GPC5: variants seen among roughly 807,000 people sequenced by gnomAD.
The protein encoded by GPC5 is glypican 5, also known as glypican-5.
GPC5 carries 47 observed loss-of-function variants against 53.9 expected under a neutral mutation model. That is an observed-to-expected ratio of 0.87 (90% confidence interval 0.69 to 1.11). The LOEUF (loss-of-function observed/expected upper bound fraction) is 1.11. GPC5 is among the 50% of genes most tolerant of loss of function. The pLI, the probability that GPC5 is intolerant of heterozygous loss-of-function variation, is 0.00. For missense variants in GPC5, 748 were observed against 713.1 expected (o/e 1.05, Z -0.56); for synonymous variants, 286 against 263.3 (o/e 1.09, Z -0.84).
chr13:91,705,706 T>TA lies in GPC5; in HGVS notation c.1020+11826dup, dbSNP rs927194447. 2.3e-5 allele frequency among the ~76,000 whole-genome samples: 3 copies of TA among 131,608 alleles called. No individual in the cohort carries two copies. In the Admixed American group the frequency reaches 2.3e-4, roughly 10 times the overall value. 86.3% of individuals were successfully genotyped at this position (131,608 alleles called of 152,430 possible). On this transcript the variant is annotated intron_variant, in intron 3 of 7. Transcript: ENST00000377067. ...GACTCTAAAAACACCCCCCCCCCCA[T>TA]ATTTCCAAATGACATGTAGTTATAA...
rs2035800965 is a variant in GPC5 at position 91,693,370 on chromosome 13, T to C, written c.509T>C (p.Leu170Pro). 2 of 1,614,122 alleles carry C rather than the reference T, an allele frequency of 1.2e-6. No homozygotes were observed. The highest frequency in any genetic ancestry group is 4.5e-5 in the East Asian group (2 of 44,870). Residue 170 changes from leucine to proline, a missense_variant, in exon 3 of 8, where the codon CTT (leucine) becomes CCT (proline). Physicochemically the swap from Leu to Pro is moderately conservative, Grantham distance 98. Coordinates refer to ENST00000377067, the MANE Select transcript of GPC5 (RefSeq NM_004466.6). ...EEFVNRFFDS[L>P]FPLVYNHLIN... is the part of the protein sequence containing the mutation. ...TTTGTAAACAGATTTTTTGACAGTC[T>C]TTTTCCTCTGGTCTACAACCACCTC...
At chr13:91,792,217 C>T (rs1424013100) in intron 5 of GPC5, among the ~76,000 whole-genome samples, 1 of 152,198 alleles carries the variant, frequency 6.6e-6, no homozygotes, top group Non-Finnish European at 1.5e-5. Context: ...TCTTTCCTGA[C>T]TTCACTGCGT....
In GPC5 at chr13:91,503,155, AAG is replaced by A. The variant is rs369923115; in HGVS notation, c.325+54241_325+54242del. On this transcript the variant is annotated intron_variant, in intron 2 of 7. Transcript: ENST00000377067. ...ATAAAATCAGTACAGCACAGAGAGA[AAG>A]AGAGAGAAATTCCAGGCATGAGAAA... Among the ~76,000 whole-genome samples, 88 of 152,266 alleles carry A rather than the reference AAG, an allele frequency of 5.8e-4. No homozygotes were observed. The South Asian group carries it at 0.018, about 31-fold the overall frequency.
At chr13:91,874,336 A>C (rs1022096299) in intron 5 of GPC5, among the ~76,000 whole-genome samples, 2 of 152,152 alleles carry the variant, frequency 1.3e-5, no homozygotes, top group African/African-American at 2.4e-5. Context: ...TATTATATTA[A>C]CAGTTTTAAT....
At chr13:92,349,447 T>A (rs1170341943) in intron 7 of GPC5, among the ~76,000 whole-genome samples, 2 of 106,846 alleles carry the variant, frequency 1.9e-5, no homozygotes, top group African/African-American at 1.1e-4. Flanking sequence ...CCCAGCCAGG[T>A]TTTTTCTTTT....
At position 92,602,195 on chromosome 13, in the gene GPC5, TAA is replaced by T. The variant is rs1410147344; in HGVS notation, c.1562-264085_1562-264084del. 7.2e-5 allele frequency among the ~76,000 whole-genome samples: 10 copies of T among 138,932 alleles called. No individual in the cohort carries two copies. In the East Asian group the frequency reaches 1.2e-3, roughly 17 times the overall value. The allele number at this position is 138,932 out of a possible 152,430, so 91.1% of individuals were successfully genotyped here. A position where few individuals can be genotyped will look rare whatever the true frequency, so the allele number is the denominator to read the frequency against. ...ACACACTATATATATTACATATATA[TAA>T]ATATATATATTACATATATATAAAT... On this transcript the variant is annotated intron_variant, in intron 7 of 7. Transcript: ENST00000377067.
intron 7 of GPC5, among the ~76,000 whole-genome samples, chr13:92,699,445 T>C (rs1171697282): frequency 3.3e-5 from 5 of 152,182 alleles, no homozygotes. Context: ...TGTTCTGATC[T>C]TACTTATTTC....
At chr13:92,073,462 T>A (rs915643546) in intron 6 of GPC5, among the ~76,000 whole-genome samples, 2 of 152,188 alleles carry the variant, frequency 1.3e-5, no homozygotes, top group African/African-American at 4.8e-5. Context: ...ACTGGACAAA[T>A]GTAGGGCCTT....
At chr13:91,890,102 C>G (rs1213240134) in intron 5 of GPC5, among the ~76,000 whole-genome samples, 14 of 152,088 alleles carry the variant, frequency 9.2e-5, no homozygotes, top group Non-Finnish European at 2.1e-4. Context: ...CATAGTTATC[C>G]TTGATTACAA....
intron 2 of GPC5, among the ~76,000 whole-genome samples, chr13:91,479,331 G>A (rs1883180620): frequency 6.6e-6 from 1 of 152,094 alleles, no homozygotes; most frequent in Admixed American, 6.6e-5. Context: ...CTTCATTAAA[G>A]GAGTACATTT....
intron 6 of GPC5, among the ~76,000 whole-genome samples, chr13:92,071,177 G>A (rs1245596409): frequency 1.3e-5 from 2 of 152,018 alleles, no homozygotes; most frequent in African/African-American, 2.4e-5. Flanking sequence ...CAGAGGCTGC[G>A]GTGAACCAAG....
At chr13:91,961,926 C>A (rs1251415831) in intron 6 of GPC5, among the ~76,000 whole-genome samples, 1 of 152,062 alleles carries the variant, frequency 6.6e-6, no homozygotes, top group Non-Finnish European at 1.5e-5. Flanking sequence ...AAGTTAACTT[C>A]TCATTTTGGG....
intron 6 of GPC5, among the ~76,000 whole-genome samples, chr13:92,088,869 A>T (rs1246741027): frequency 6.6e-6 from 1 of 152,208 alleles, no homozygotes; most frequent in Non-Finnish European, 1.5e-5. Flanking sequence ...TTAAACATTG[A>T]GAATAAAACA....
intron 2 of GPC5, among the ~76,000 whole-genome samples, chr13:91,530,500 C>A (rs986900955): frequency 3.3e-5 from 5 of 152,152 alleles, no homozygotes; most frequent in African/African-American, 1.2e-4. Context: ...GCATAATATG[C>A]CTCCTTCATT....
At position 92,363,220 on chromosome 13, in the gene GPC5, T is replaced by G. The variant is rs186356829; in HGVS notation, c.1561+218231T>G. On this transcript the variant is annotated intron_variant, in intron 7 of 7. Coordinates refer to ENST00000377067, the MANE Select transcript of GPC5 (RefSeq NM_004466.6). The stretch of plus-strand genomic sequence containing the variant: ...CAATTCCCACAGGGCTAGGAATAGT[T>G]GTTGTTTCCACCAGCTAGAGTAAAA... Among the ~76,000 whole-genome samples the G allele has an allele frequency of 2.0e-3, 309 of 151,736 alleles. 6 individuals carry two copies. Among genetic ancestry groups the G allele is most frequent in the African/African-American group, 7.2e-3 (296 of 41,024 alleles).
intron 3 of GPC5, among the ~76,000 whole-genome samples, chr13:91,717,052 G>C (rs1335782461): frequency 6.6e-6 from 1 of 152,188 alleles, no homozygotes; most frequent in Non-Finnish European, 1.5e-5. Context: ...CAAACCAAAT[G>C]CTGGCAAGGT....
At chr13:92,770,473 A>G (rs949893295) in intron 7 of GPC5, among the ~76,000 whole-genome samples, 2 of 151,046 alleles carry the variant, frequency 1.3e-5, no homozygotes, top group Non-Finnish European at 2.9e-5. Flanking sequence ...CTTCATTCAC[A>G]TCCATTTAAA....
chr13:91,895,745 G>A (rs2039434504), intron 5 of GPC5, among the ~76,000 whole-genome samples: 1 of 151,790 alleles, frequency 6.6e-6, no homozygotes, highest in South Asian at 2.1e-4. Context: ...GTTTGGGGGT[G>A]GTATTAGTTT....
chr13:91,502,390 G>C (rs1229488394), intron 2 of GPC5, among the ~76,000 whole-genome samples: 1 of 152,010 alleles, frequency 6.6e-6, no homozygotes, highest in African/African-American at 2.4e-5. Flanking sequence ...TCTAACATTT[G>C]AATTAATTAA....
Sources: allele counts gnomAD v4.1 joint callset (sites outside exome capture counted in the v4.1 genomes callset), GRCh38; gene constraint gnomAD v4.1.1; transcripts MANE v1.5; gene names NCBI Gene and HGNC (gene_info 2026-07-23, HGNC 2026-07-21).